The following STXBP5L variants were observed in gnomAD, a reference collection of about 807,000 sequenced individuals.
STXBP5L encodes syntaxin binding protein 5L.
Under a neutral mutation model 144.5 loss-of-function variants are expected in STXBP5L, and 65 were observed. The ratio of observed to expected loss-of-function variants is 0.45; its 90% CI spans 0.37 to 0.55. STXBP5L has a LOEUF of 0.55. Ranked by LOEUF, STXBP5L falls within the 20% of genes least tolerant of loss-of-function variation. The pLI, the probability that STXBP5L is intolerant of heterozygous loss-of-function variation, is 0.00. For missense variants in STXBP5L, 1,298 were observed against 1,405.5 expected (o/e 0.92, Z 1.22); for synonymous variants, 505 against 469.6 (o/e 1.08, Z -0.97).
At chr3:120,988,406 CCTT>C (rs1046192769) in intron 3 of STXBP5L, among the ~76,000 whole-genome samples, 4 of 151,742 alleles carry the variant, frequency 2.6e-5, no homozygotes, top group Admixed American at 6.6e-5. Flanking sequence ...TGTTTGGAAA[CCTT>C]CTTCTTGTTT....
intron 3 of STXBP5L, among the ~76,000 whole-genome samples, chr3:120,965,351 G>T (rs568669242): frequency 6.6e-6 from 1 of 152,294 alleles, no homozygotes; most frequent in East Asian, 1.9e-4. Flanking sequence ...TCAGCTAATT[G>T]ATGCAGTTTC....
intron 3 of STXBP5L, among the ~76,000 whole-genome samples, chr3:120,976,148 A>C (rs568544412): frequency 1.3e-5 from 2 of 152,332 alleles, no homozygotes; most frequent in Admixed American, 1.3e-4. Flanking sequence ...CCTCGGGTAG[A>C]ATTCGGCTGT....
intron 3 of STXBP5L, among the ~76,000 whole-genome samples, chr3:120,976,401 C>T (rs978481391): frequency 1.3e-5 from 2 of 152,120 alleles, no homozygotes; most frequent in Admixed American, 6.6e-5. Flanking sequence ...TCCCCTCTAT[C>T]ATTTTTCATT....
chr3:121,340,816 A>G (rs566005391), intron 20 of STXBP5L, among the ~76,000 whole-genome samples: 2 of 152,236 alleles, frequency 1.3e-5, no homozygotes, highest in East Asian at 3.9e-4. Context: ...TCATAGTATA[A>G]TAACATATAA....
chr3:121,023,114 G>A (rs1272734555), intron 3 of STXBP5L, among the ~76,000 whole-genome samples: 1 of 151,722 alleles, frequency 6.6e-6, no homozygotes. Flanking sequence ...CAGTTACCAA[G>A]TTGAGAATGA....
At chr3:121,211,269 G>A (rs1431350682) in intron 10 of STXBP5L, among the ~76,000 whole-genome samples, 8 of 152,188 alleles carry the variant, frequency 5.3e-5, no homozygotes, top group Middle Eastern at 3.4e-3. Flanking sequence ...ATTTTTGAAC[G>A]TTGATTTTTT....
chr3:121,392,119 C>A (rs1217119336), intron 22 of STXBP5L, among the ~76,000 whole-genome samples: 1 of 152,158 alleles, frequency 6.6e-6, no homozygotes, highest in Non-Finnish European at 1.5e-5. Context: ...GCAGACACCC[C>A]TCCCCAGCCA....
chr3:121,200,816 G>A (rs2048109083), intron 9 of STXBP5L, among the ~76,000 whole-genome samples: 1 of 152,148 alleles, frequency 6.6e-6, no homozygotes, highest in Admixed American at 6.5e-5. Context: ...TTAATCCTGA[G>A]TTCTAATTTG....
At chr3:121,418,241 C>A in intron 25 of STXBP5L, 96 bp from the exon 26 acceptor site, 1 of 1,310,910 alleles carries the variant, frequency 7.6e-7, no homozygotes, top group Non-Finnish European at 1.0e-6. Context: ...AGAATTATGA[C>A]AGTAGAATGT....
intron 5 of STXBP5L, among the ~76,000 whole-genome samples, chr3:121,054,526 G>C (rs146308366): frequency 1.8e-4 from 27 of 145,976 alleles, no homozygotes; most frequent in Non-Finnish European, 3.9e-4. Flanking sequence ...ATTCACAGGT[G>C]GGAATTGAAC....
At chr3:121,219,089 T>A (rs1421258401) in intron 10 of STXBP5L, among the ~76,000 whole-genome samples, 1 of 152,186 alleles carries the variant, frequency 6.6e-6, no homozygotes, top group Non-Finnish European at 1.5e-5. Flanking sequence ...AATCATATTA[T>A]TGATGATAAT....
At chr3:121,217,611 GA>G (rs1200073892) in intron 10 of STXBP5L, among the ~76,000 whole-genome samples, 1 of 151,506 alleles carries the variant, frequency 6.6e-6, no homozygotes, top group Non-Finnish European at 1.5e-5. Context: ...CTGCAGACCA[GA>G]GCTGTTCCTA....
intron 22 of STXBP5L, among the ~76,000 whole-genome samples, chr3:121,398,593 C>A (rs998705338): frequency 2.0e-5 from 3 of 152,104 alleles, no homozygotes; most frequent in African/African-American, 4.8e-5. Flanking sequence ...CCTTATCTGG[C>A]GGCCTGACTT....
intron 5 of STXBP5L, among the ~76,000 whole-genome samples, chr3:121,047,528 G>A (rs1404048365): frequency 3.9e-5 from 6 of 152,102 alleles, no homozygotes; most frequent in South Asian, 4.1e-4. Context: ...TTATGAATCC[G>A]GGTACTCCTG....
rs373920733 is a variant in STXBP5L at position 121,407,314 on chromosome 3, C to T, written c.2659C>T (p.Pro887Ser). Reference sequence around the variant, plus strand: ...GGACCGAATGGGTGGATTAATGCAACCGCCATATGAAGTTTGGAGGGATCC... The same window carrying T: ...GGACCGAATGGGTGGATTAATGCAATCGCCATATGAAGTTTGGAGGGATCC... The part of the protein sequence containing the change: ...CMDRMGGLMQ[P>S]PYEVWRDPNN... The change falls in exon 23 of 27, where the codon CCG (proline) becomes TCG (serine). Residue 887 changes from proline (P) to serine (S), a missense_variant. Coordinates refer to ENST00000471454, the MANE Select transcript of STXBP5L (RefSeq NM_001308330.2). 6.2e-7 allele frequency: 1 copy of T among 1,611,914 alleles called. No individual in the cohort carries two copies.
intron 3 of STXBP5L, among the ~76,000 whole-genome samples, chr3:120,995,612 A>G (rs916162377): frequency 6.6e-6 from 1 of 152,132 alleles, no homozygotes; most frequent in Non-Finnish European, 1.5e-5. Context: ...CATGTAAATT[A>G]TCACAGTCTA....
At chr3:121,318,585 G>A in intron 20 of STXBP5L, 45 bp downstream of exon 20, 1 of 1,255,758 alleles carries the variant, frequency 8.0e-7, no homozygotes, top group East Asian at 2.7e-5. Flanking sequence ...ATTCACTGCA[G>A]TAATCTGTTG....
At chr3:121,157,818 C>G in intron 9 of STXBP5L, 191 bp downstream of exon 9, 1 of 675,054 alleles carries the variant, frequency 1.5e-6, no homozygotes, top group East Asian at 3.7e-5. Flanking sequence ...CTTCTTCCTA[C>G]CAACCCACAT....
At chr3:121,060,554 C>A (rs1180598893) in intron 5 of STXBP5L, among the ~76,000 whole-genome samples, 1 of 152,160 alleles carries the variant, frequency 6.6e-6, no homozygotes, top group Non-Finnish European at 1.5e-5. Flanking sequence ...ATGATACCAG[C>A]TCCTCTTTGT....
Sources: allele counts gnomAD v4.1 joint callset (sites outside exome capture counted in the v4.1 genomes callset), GRCh38; gene constraint gnomAD v4.1.1; transcripts MANE v1.5; gene names NCBI Gene and HGNC (gene_info 2026-07-23, HGNC 2026-07-21).